COL21A1: variants seen among roughly 807,000 people sequenced by gnomAD.
COL21A1 encodes the protein collagen alpha-1(XXI) chain.
A neutral mutation model predicts 137.9 loss-of-function variants in COL21A1; 149 were observed. The ratio of observed to expected loss-of-function variants is 1.08; its 90% CI spans 0.95 to 1.24. COL21A1 has a LOEUF of 1.24. Ranked by LOEUF, COL21A1 falls within the 50% of genes most tolerant of loss-of-function variation. The pLI is 0.00. For missense variants in COL21A1, 1,167 were observed against 1,158.4 expected, an observed-to-expected ratio of 1.01 and a Z score of -0.11; for synonymous variants, 456 against 391.5, an observed-to-expected ratio of 1.16 and a Z score of -1.95.
At chr6:56,261,426 T>C (rs1763272240) in intron 1 of COL21A1, among the ~76,000 whole-genome samples, 1 of 152,200 alleles carries the variant, frequency 6.6e-6, no homozygotes, top group Non-Finnish European at 1.5e-5. Flanking sequence ...AGGTAGGGTC[T>C]TTGGGGGGAT....
chr6:56,264,502 C>A (rs762873532), intron 1 of COL21A1, among the ~76,000 whole-genome samples: 2 of 152,134 alleles, frequency 1.3e-5, no homozygotes, highest in Non-Finnish European at 2.9e-5. Context: ...CAATCCTAAA[C>A]AATCTCCTCC....
chr6:56,331,564 C>G (rs1765225637), intron 1 of COL21A1, among the ~76,000 whole-genome samples: 2 of 151,832 alleles, frequency 1.3e-5, no homozygotes. Context: ...TTTTTGTCAA[C>G]TTTGCCAAAG....
intron 1 of COL21A1, among the ~76,000 whole-genome samples, chr6:56,297,665 G>A (rs1485039302): frequency 1.3e-5 from 2 of 152,124 alleles, no homozygotes; most frequent in East Asian, 3.9e-4. Flanking sequence ...AATGTGAAAA[G>A]TAAAATCCCT....
chr6:56,337,102 C>T (rs924001500), intron 1 of COL21A1, among the ~76,000 whole-genome samples: 5 of 152,190 alleles, frequency 3.3e-5, no homozygotes, highest in East Asian at 1.9e-4. Flanking sequence ...ATGTGCTCTA[C>T]GAACTCACTT....
chr6:56,154,866 C>T lies in COL21A1; in HGVS notation c.1434+2021G>A, dbSNP rs60256435. Among the ~76,000 whole-genome samples, 18 of 152,202 alleles carry T rather than the reference C, an allele frequency of 1.2e-4. No individual in the cohort carries two copies. The East Asian group carries it at 3.5e-3, about 29-fold the overall frequency. ...TCCAGGTGGCTACCACTTTTGTTTA[C>T]CCCTTCAGCCTCCCTACTTTTTAAG... On this transcript the variant is annotated intron_variant, in intron 10 of 29. Coordinates refer to ENST00000244728, the MANE Select transcript of COL21A1 (RefSeq NM_030820.4).
intron 9 of COL21A1, among the ~76,000 whole-genome samples, chr6:56,159,369 G>A (rs891732224): frequency 6.5e-5 from 9 of 137,660 alleles, no homozygotes; most frequent in Admixed American, 1.6e-4. Context: ...GTCTTGCTCC[G>A]TCACCCAGGC....
At chr6:56,281,476 C>T (rs1408921692) in intron 1 of COL21A1, among the ~76,000 whole-genome samples, 1 of 152,186 alleles carries the variant, frequency 6.6e-6, no homozygotes, top group Non-Finnish European at 1.5e-5. Flanking sequence ...TATCATCAAC[C>T]TCAACAAGCA....
intron 16 of COL21A1, among the ~76,000 whole-genome samples, chr6:56,123,037 A>G (rs1039111822): frequency 3.3e-5 from 5 of 152,218 alleles, no homozygotes; most frequent in African/African-American, 1.2e-4. Context: ...AGAGGACAAA[A>G]TATTAATTAA....
At chr6:56,317,295 G>A (rs776533807) in intron 1 of COL21A1, among the ~76,000 whole-genome samples, 10 of 152,118 alleles carry the variant, frequency 6.6e-5, no homozygotes, top group Non-Finnish European at 1.5e-4. Flanking sequence ...GATATACTGA[G>A]CACTTACTAC....
At chr6:56,098,530 TATATATATAAATATATAA>T (rs1562192971) in intron 17 of COL21A1, among the ~76,000 whole-genome samples, 290 of 22,602 alleles carry the variant, frequency 0.013, 16 homozygotes, top group Non-Finnish European at 0.016. Flanking sequence ...AATATATAAA[TATATATATAAATATATAA>T]ATATATATAA....
chr6:56,071,018 G>A (rs1766699731), intron 20 of COL21A1, among the ~76,000 whole-genome samples: 1 of 151,622 alleles, frequency 6.6e-6, no homozygotes, highest in Middle Eastern at 3.4e-3. Flanking sequence ...CTAAAAACCT[G>A]TGTTAAAGCT....
intron 17 of COL21A1, among the ~76,000 whole-genome samples, chr6:56,096,370 C>T (rs919181575): frequency 1.3e-5 from 2 of 152,132 alleles, no homozygotes; most frequent in African/African-American, 4.8e-5. Flanking sequence ...ACAAAGTAGA[C>T]ACTCAGTAAA....
At chr6:56,068,902 ATAT>A (rs1319318532) in intron 22 of COL21A1, 141 bp downstream of exon 22, 7 of 622,372 alleles carry the variant, frequency 1.1e-5, no homozygotes, top group Admixed American at 3.3e-5. Flanking sequence ...GGGGCTGAAC[ATAT>A]TATACATACA....
chr6:56,342,071 T>G (rs563958350), intron 1 of COL21A1, among the ~76,000 whole-genome samples: 2 of 152,238 alleles, frequency 1.3e-5, no homozygotes, highest in African/African-American at 4.8e-5. Flanking sequence ...CTCCAGTGTT[T>G]GTATTTCATG....
intron 1 of COL21A1, among the ~76,000 whole-genome samples, chr6:56,308,575 A>C (rs189765488): frequency 1.1e-4 from 17 of 152,336 alleles, no homozygotes; most frequent in African/African-American, 4.1e-4. Context: ...GAACTGGGGA[A>C]ATGGGAAATG....
At chr6:56,319,121 G>A (rs1373405706) in intron 1 of COL21A1, among the ~76,000 whole-genome samples, 2 of 152,074 alleles carry the variant, frequency 1.3e-5, no homozygotes, top group Non-Finnish European at 2.9e-5. Context: ...TTCAGTTTCT[G>A]GGACATCGCC....
chr6:56,057,082 C>G lies in COL21A1; in HGVS notation c.*575G>C, dbSNP rs1765402302. The G allele has an allele frequency of 1.3e-5, 2 of 152,858 alleles. No individual in the cohort carries two copies. The highest frequency in any genetic ancestry group is 1.5e-5 in the Non-Finnish European group (1 of 68,588). 9.5% of individuals were successfully genotyped at this position (152,858 alleles called of 1,614,324 possible). A position where few individuals can be genotyped will look rare whatever the true frequency, so the allele number is the denominator to read the frequency against. On this transcript the variant is annotated 3_prime_UTR_variant, in exon 30 of 30. Transcript: ENST00000244728. ...AGTTTGAAATGAATTAAGAAACACTCTAATCTTATTCAGAGGTGCTATTCA... is the reference window on the plus strand; with the variant it reads ...AGTTTGAAATGAATTAAGAAACACTGTAATCTTATTCAGAGGTGCTATTCA...
chr6:56,297,111 C>T (rs981295956), intron 1 of COL21A1, among the ~76,000 whole-genome samples: 1 of 151,966 alleles, frequency 6.6e-6, no homozygotes, highest in African/African-American at 2.4e-5. Flanking sequence ...ATACTGAGCC[C>T]AAACATTTTT....
At chr6:56,265,282 G>A (rs993208874) in intron 1 of COL21A1, among the ~76,000 whole-genome samples, 2 of 152,200 alleles carry the variant, frequency 1.3e-5, no homozygotes, top group Non-Finnish European at 2.9e-5. Context: ...CAGATGCCAA[G>A]TGGGGAGTGG....
Sources: allele counts gnomAD v4.1 joint callset (sites outside exome capture counted in the v4.1 genomes callset), GRCh38; gene constraint gnomAD v4.1.1; transcripts MANE v1.5; gene names NCBI Gene and HGNC (gene_info 2026-07-23, HGNC 2026-07-21).